The following BRF1 variants were observed in gnomAD, a reference collection of about 807,000 sequenced individuals.
The protein encoded by BRF1 is transcription factor IIIB 90 kDa subunit.
A neutral mutation model predicts 81.7 loss-of-function variants in BRF1; 59 were observed. The ratio of observed to expected loss-of-function variants is 0.72; its 90% CI spans 0.59 to 0.90. The LOEUF is 0.90. BRF1 is among the 40% of genes least tolerant of loss of function. The pLI is 0.00. For synonymous variants in BRF1, 491 were observed against 395.6 expected (o/e 1.24, Z -2.86); for missense variants, 1,050 against 936.3 (o/e 1.12, Z -1.58).
chr14:105,289,949 C>G (rs762879706), intron 1 of BRF1, among the ~76,000 whole-genome samples: 1 of 152,040 alleles, frequency 6.6e-6, no homozygotes, highest in African/African-American at 2.4e-5. Context: ...TTTTTCTAAG[C>G]GTTCGAATTA....
chr14:105,217,495 C>T, intron 15 of BRF1, 49 bp downstream of exon 15: 1 of 1,587,884 alleles, frequency 6.3e-7, no homozygotes, highest in Non-Finnish European at 8.6e-7. Flanking sequence ...TGGGCCTCTG[C>T]CCGCCCTGGG....
At chr14:105,311,393 A>G (rs899284659) in intron 1 of BRF1, among the ~76,000 whole-genome samples, 2 of 152,088 alleles carry the variant, frequency 1.3e-5, no homozygotes, top group African/African-American at 4.8e-5. Flanking sequence ...CACTGGGATC[A>G]CAGATGCGCA....
At position 105,209,552 on chromosome 14, in the gene BRF1, C is replaced by T. The variant is rs1374720472; in HGVS notation, c.*999G>A. 1.4e-6 allele frequency: 1 copy of T among 702,652 alleles called. No individual in the cohort carries two copies. The highest frequency in any genetic ancestry group is 2.6e-6 in the Non-Finnish European group (1 of 384,866). The allele number at this position is 702,652 out of a possible 1,614,324, so 43.5% of individuals were successfully genotyped here. On this transcript the variant is annotated 3_prime_UTR_variant, in exon 18 of 18. Coordinates refer to ENST00000547530, the MANE Select transcript of BRF1 (RefSeq NM_001519.4). Reference sequence around the variant, plus strand: ...GAAGCCCCCTCGGCCACATCCGGGGCAGCCATGCCAGAGCTGAGACCTCCT... The same window carrying T: ...GAAGCCCCCTCGGCCACATCCGGGGTAGCCATGCCAGAGCTGAGACCTCCT...
intron 2 of BRF1, among the ~76,000 whole-genome samples, chr14:105,278,645 C>T (rs754233267): frequency 6.6e-6 from 1 of 151,970 alleles, no homozygotes. Context: ...GTGGCTCACA[C>T]CTGTCATCCC....
At chr14:105,250,018 C>T in intron 5 of BRF1, 1 of 1,612,878 alleles carries the variant, frequency 6.2e-7, no homozygotes. Flanking sequence ...TGCCAATCAC[C>T]CCACGAAACA....
intron 2 of BRF1, among the ~76,000 whole-genome samples, chr14:105,273,771 C>A (rs1346049894): frequency 6.6e-6 from 1 of 152,176 alleles, no homozygotes; most frequent in Admixed American, 6.5e-5. Context: ...CAATACACTG[C>A]GGAAAGCTGC....
In BRF1 at chr14:105,241,395, T is replaced by C; in HGVS notation, c.564A>G (p.Pro188=). ...CGAATTCCAGCAGGTGCGCAAAGCGTGGAATATACAGGCACGGGTCTGCGG... is the reference window on the plus strand; with the variant it reads ...CGAATTCCAGCAGGTGCGCAAAGCGCGGAATATACAGGCACGGGTCTGCGG... The part of the protein sequence containing the change: ...APAIDPCLYI[P]RFAHLLEFGE... The change falls in exon 6 of 18, where the codon CCA becomes CCG. Residue 188 remains proline, a synonymous_variant. Coordinates refer to ENST00000547530, the MANE Select transcript of BRF1 (RefSeq NM_001519.4). 1 of 1,612,490 alleles carries C rather than the reference T, an allele frequency of 6.2e-7. No individual in the cohort carries two copies. Among genetic ancestry groups the C allele is most frequent in the Non-Finnish European group, 8.5e-7 (1 of 1,179,908 alleles).
Position 105,252,513 on chromosome 14 carries a change from C to A in BRF1, c.538G>T (p.Ala180Ser). 6.2e-7 allele frequency: 1 copy of A among 1,613,636 alleles called. No homozygotes were observed. The highest frequency in any genetic ancestry group is 8.5e-7 in the Non-Finnish European group (1 of 1,179,896). The change falls in exon 5 of 18, where the codon GCC becomes TCC. Residue 180 changes from alanine to serine, a missense_variant. Around this residue, in one of 2 missense-constraint regions of BRF1, gnomAD observed 1,043 missense variants for 915.4 expected, o/e 1.14. Transcript: ENST00000547530. ...ATCTCACCCAGATGCCTACCTATGG[C>A]CGGCGCATTGATGCAGAGCTCTCTT... ...LARELCINAP[A>S]IDPCLYIPRF...
chr14:105,216,919 C>T (rs1363162111), intron 15 of BRF1, among the ~76,000 whole-genome samples: 1 of 152,196 alleles, frequency 6.6e-6, no homozygotes. Flanking sequence ...CAGCCACAGG[C>T]CCCCAAGACG....
In BRF1 at chr14:105,300,572, G is replaced by A; in HGVS notation, c.58C>T (p.Arg20Cys). The A allele has an allele frequency of 1.3e-6, 2 of 1,492,670 alleles. No homozygotes were observed. The highest frequency in any genetic ancestry group is 8.9e-7 in the Non-Finnish European group (1 of 1,124,930). The allele number at this position is 1,492,670 out of a possible 1,614,324, so 92.5% of individuals were successfully genotyped here. A position where few individuals can be genotyped will look rare whatever the true frequency, so the allele number is the denominator to read the frequency against. The change falls in exon 1 of 18, where the codon CGC becomes TGC. Residue 20 changes from arginine (R) to cysteine (C), a missense_variant. This residue lies in a region of BRF1 where 1,043 missense variants were observed against 915.4 expected (regional missense o/e 1.14). Coordinates refer to ENST00000547530, the MANE Select transcript of BRF1 (RefSeq NM_001519.4). Reference sequence around the variant, plus strand: ...CAGGCGGTGCACACCGCGTCCCCGCGCGCCGCGTCCAGCTCGATGTCCGTG... The same window carrying A: ...CAGGCGGTGCACACCGCGTCCCCGCACGCCGCGTCCAGCTCGATGTCCGTG... ...GGTDIELDAA[R>C]GDAVCTACGS...
intron 4 of BRF1, 36 bp from the exon 5 acceptor site, chr14:105,252,615 G>A: frequency 6.3e-7 from 1 of 1,597,048 alleles, no homozygotes; most frequent in Non-Finnish European, 8.5e-7. Context: ...AACAGCATTG[G>A]TATTTAAGGA....
At chr14:105,301,552 G>A (rs904268410), upstream of BRF1, among the ~76,000 whole-genome samples, 2 of 152,176 alleles carry the variant, frequency 1.3e-5, no homozygotes, top group African/African-American at 4.8e-5. Context: ...GGCCGCAGAG[G>A]TGGAGACACC....
intron 6 of BRF1, among the ~76,000 whole-genome samples, chr14:105,229,326 G>A (rs1328711596): frequency 2.6e-5 from 4 of 152,242 alleles, no homozygotes; most frequent in African/African-American, 9.6e-5. Flanking sequence ...CAAGGCCACA[G>A]TGGGCCCAGA....
Position 105,284,266 on chromosome 14 carries a change from AG to A in BRF1, c.265+2029del, listed in dbSNP as rs2057232025. Among the ~76,000 whole-genome samples, 1 of 152,194 alleles carries A rather than the reference AG, an allele frequency of 6.6e-6. No homozygotes were observed. The highest frequency in any genetic ancestry group is 2.1e-4 in the South Asian group (1 of 4,830). On this transcript the variant is annotated intron_variant, in intron 2 of 17. Transcript: ENST00000547530. The surrounding 1 kb of genome is among the most constrained non-coding windows in gnomAD (Gnocchi z 4.0). Reference sequence around the variant, plus strand: ...CTGCAGAAGAATCACACCGGCAGTCAGGAAGAAAGGCGCTGACTATACTCCT... The same window carrying A: ...CTGCAGAAGAATCACACCGGCAGTCAGAAGAAAGGCGCTGACTATACTCCT...
chr14:105,282,062 A>T (rs1477753324), intron 2 of BRF1, among the ~76,000 whole-genome samples: 4 of 152,182 alleles, frequency 2.6e-5, no homozygotes, highest in Non-Finnish European at 5.9e-5. Context: ...AAATCATCCC[A>T]AAAGGCCTGA....
At chr14:105,249,260 G>A in intron 5 of BRF1, 3 of 1,563,928 alleles carry the variant, frequency 1.9e-6, no homozygotes, top group South Asian at 1.1e-5. Context: ...GGGTAGCGGC[G>A]GCCCCTCTCG....
chr14:105,256,452 AAC>A, intron 4 of BRF1, 64 bp downstream of exon 4: 1 of 1,613,932 alleles, frequency 6.2e-7, no homozygotes, highest in Non-Finnish European at 8.5e-7. Flanking sequence ...CCCCGGTCAC[AAC>A]CCTGGTCACA....
intron 1 of BRF1, among the ~76,000 whole-genome samples, chr14:105,290,380 T>C (rs886776259): frequency 6.6e-6 from 1 of 152,030 alleles, no homozygotes; most frequent in African/African-American, 2.4e-5. Flanking sequence ...GATCGCGCCA[T>C]TGCACTCCAG....
intron 8 of BRF1, 105 bp downstream of exon 8, chr14:105,226,528 TG>T (rs2141562709): frequency 6.4e-7 from 1 of 1,566,794 alleles, no homozygotes; most frequent in Non-Finnish European, 8.6e-7. Context: ...AGAGCGGCTA[TG>T]AGGCTTTGGG....
Sources: gnomAD v4.1 joint callset for allele counts (sites outside exome capture counted in the v4.1 genomes callset) on GRCh38, gnomAD v4.1.1 for gene constraint, gnomAD v4.1.1 regional missense constraint, Gnocchi (gnomAD v3.1) non-coding constraint, MANE v1.5 for transcripts, NCBI Gene and HGNC (gene_info 2026-07-23, HGNC 2026-07-21) for gene names.